Variants in IFI27L1 observed in about 807,000 individuals in gnomAD.
The protein encoded by IFI27L1 is interferon alpha-inducible protein 27-like protein 1.
In IFI27L1, 3 loss-of-function variants were observed where a neutral mutation model predicts 9.2. That is an observed-to-expected ratio of 0.32 (90% CI 0.15 to 0.84). The LOEUF (loss-of-function observed/expected upper bound fraction) is 0.84. Among genes scored for constraint, IFI27L1 ranks in the 40% least tolerant of loss-of-function variants. The pLI is 0.56. For synonymous variants in IFI27L1, 53 were observed against 50.0 expected, an observed-to-expected ratio of 1.06 and a Z score of -0.26; for missense variants, 133 against 134.2, an observed-to-expected ratio of 0.99 and a Z score of 0.05.
rs532597050 is a variant in IFI27L1 at position 94,099,210 on chromosome 14, G to C, written c.29-1529G>C. 2.0e-5 allele frequency among the ~76,000 whole-genome samples: 3 copies of C among 152,336 alleles called. No homozygotes were observed. In the East Asian group the frequency reaches 5.8e-4, roughly 29 times the overall value. On this transcript the variant is annotated intron_variant, in intron 2 of 4. Coordinates refer to ENST00000555523, the MANE Select transcript of IFI27L1 (RefSeq NM_206949.3). Reference sequence around the variant, plus strand: ...CGCACAGGGCGGCAGGCGCACAAGTGGGGAGGCACACAGGTGGCAGGTGCA... The same window carrying C: ...CGCACAGGGCGGCAGGCGCACAAGTCGGGAGGCACACAGGTGGCAGGTGCA...
At chr14:94,090,698 C>A (rs1485236831) in intron 1 of IFI27L1, among the ~76,000 whole-genome samples, 1 of 152,154 alleles carries the variant, frequency 6.6e-6, no homozygotes, top group African/African-American at 2.4e-5. Flanking sequence ...CTAGTTTTCC[C>A]AAGGGGCTTT....
intron 1 of IFI27L1, chr14:94,088,396 T>C: frequency 1.4e-6 from 1 of 700,558 alleles, no homozygotes. Flanking sequence ...TGGCACTGGC[T>C]GAAGCATTCT....
rs184478214 is a variant in IFI27L1 at position 94,083,986 on chromosome 14, G to C, written c.-52+2537G>C. On this transcript the variant is annotated intron_variant, in intron 1 of 4. Transcript: ENST00000555523. ...AATTTTAATTTTTAAAAATGGGGGA[G>C]GGGGAGATGTCAACCAAAAGCAAAA... 2.0e-3 allele frequency among the ~76,000 whole-genome samples: 302 copies of C among 152,184 alleles called. 2 individuals are homozygous for C. The highest frequency in any genetic ancestry group is 0.017 in the Middle Eastern group (5 of 294).
chr14:94,085,302 T>C (rs1886246841), intron 1 of IFI27L1, among the ~76,000 whole-genome samples: 1 of 152,220 alleles, frequency 6.6e-6, no homozygotes, highest in South Asian at 2.1e-4. Flanking sequence ...TCTGTAACAT[T>C]AGCTGTGTGA....
chr14:94,087,896 T>C lies in IFI27L1; in HGVS notation c.-52+6447T>C, dbSNP rs186969763. Among the ~76,000 whole-genome samples, 542 of 152,322 alleles carry C rather than the reference T, an allele frequency of 3.6e-3. 4 individuals carry two copies. Among genetic ancestry groups the C allele is most frequent in the African/African-American group, 0.012 (516 of 41,564 alleles). ...TAAAATTTCTAAACCAAATAAGCTTTCACTACATGCTGTCAAATAAAGTAT... is the reference window on the plus strand; with the variant it reads ...TAAAATTTCTAAACCAAATAAGCTTCCACTACATGCTGTCAAATAAAGTAT... On this transcript the variant is annotated intron_variant, in intron 1 of 4. Coordinates refer to ENST00000555523, the MANE Select transcript of IFI27L1 (RefSeq NM_206949.3).
At chr14:94,086,946 A>G (rs1886301251) in intron 1 of IFI27L1, among the ~76,000 whole-genome samples, 1 of 152,224 alleles carries the variant, frequency 6.6e-6, no homozygotes, top group Non-Finnish European at 1.5e-5. Flanking sequence ...TAACAAACAG[A>G]GAGAAGCCCT....
chr14:94,094,054 G>A (rs1886580188), intron 1 of IFI27L1, among the ~76,000 whole-genome samples: 1 of 152,066 alleles, frequency 6.6e-6, no homozygotes, highest in Admixed American at 6.6e-5. Flanking sequence ...AGGAAAGGAG[G>A]GAAAATGAGC....
At chr14:94,101,145 T>C in intron 3 of IFI27L1, 1 of 417,484 alleles carries the variant, frequency 2.4e-6, no homozygotes, top group Non-Finnish European at 4.3e-6. Context: ...TCAAAAGTAT[T>C]TGACAAATGC....
At chr14:94,082,213 C>A (rs1255808973) in intron 1 of IFI27L1, among the ~76,000 whole-genome samples, 2 of 152,206 alleles carry the variant, frequency 1.3e-5, no homozygotes, top group Admixed American at 6.5e-5. Flanking sequence ...ATCCCCTAAA[C>A]CCAAAACCGA....
chr14:94,102,385 C>T, intron 4 of IFI27L1, 92 bp from the exon 5 acceptor site: 1 of 745,796 alleles, frequency 1.3e-6, no homozygotes. Context: ...GGCCTCAGGT[C>T]TCTGGAGGGA....
chr14:94,097,783 C>T (rs749998739), intron 2 of IFI27L1: 4 of 675,990 alleles, frequency 5.9e-6, no homozygotes, highest in Non-Finnish European at 1.1e-5. Flanking sequence ...ACGGGGCTGC[C>T]CTTTACAGAG....
chr14:94,100,614 G>C, intron 2 of IFI27L1, 125 bp from the exon 3 acceptor site: 2 of 1,576,624 alleles, frequency 1.3e-6, no homozygotes, highest in Non-Finnish European at 1.7e-6. Context: ...CCTAGGATGA[G>C]TAGGGGGCTT....
At chr14:94,096,813 AG>A in intron 1 of IFI27L1, 73 bp from the exon 2 acceptor site, 1 of 761,606 alleles carries the variant, frequency 1.3e-6, no homozygotes. Context: ...TAGTCCCAGG[AG>A]GGATGCAGAG....
chr14:94,100,839 G>A, intron 3 of IFI27L1, 68 bp downstream of exon 3: 3 of 1,572,222 alleles, frequency 1.9e-6, no homozygotes, highest in Non-Finnish European at 2.6e-6. Flanking sequence ...GCCTCTGGGA[G>A]AAACTGGCTT....
rs148509673 is a variant in IFI27L1, at chr14:94,095,849, C to T, written c.-51-1038C>T. 3.2e-3 allele frequency among the ~76,000 whole-genome samples: 487 copies of T among 152,310 alleles called. 4 individuals are homozygous for T. Among genetic ancestry groups the T allele is most frequent in the African/African-American group, 0.011 (459 of 41,566 alleles). On this transcript the variant is annotated intron_variant, in intron 1 of 4. Transcript: ENST00000555523. ...ATGAGATTTGGAGGGGACAAACATC[C>T]AAACCATAGCAGTCCTTGATTTTAA...
At chr14:94,093,760 T>C (rs1886570105) in intron 1 of IFI27L1, among the ~76,000 whole-genome samples, 2 of 150,948 alleles carry the variant, frequency 1.3e-5, no homozygotes, top group Admixed American at 1.3e-4. Flanking sequence ...TATTGTTTTT[T>C]GCATTTGCTT....
chr14:94,099,185 C>T (rs1237510603), intron 2 of IFI27L1, among the ~76,000 whole-genome samples: 16 of 152,160 alleles, frequency 1.1e-4, no homozygotes, highest in Admixed American at 8.5e-4. Flanking sequence ...GTGGGCCCAG[C>T]GCACAGGGCG....
chr14:94,092,710 T>C (rs1177486277), intron 1 of IFI27L1, among the ~76,000 whole-genome samples: 1 of 152,118 alleles, frequency 6.6e-6, no homozygotes, highest in Non-Finnish European at 1.5e-5. Flanking sequence ...ATACCTGATA[T>C]GGTTTAGCTG....
rs1019233179 is a variant in IFI27L1, at chr14:94,100,435, A to C, written c.29-304A>C. Reference sequence around the variant, plus strand: ...ATGTTCCTGCCAGCCCTGAGAGCTCAACACAACTCAGGAGGCCCAGGCATG... The same window carrying C: ...ATGTTCCTGCCAGCCCTGAGAGCTCCACACAACTCAGGAGGCCCAGGCATG... On this transcript the variant is annotated intron_variant, in intron 2 of 4. Coordinates refer to ENST00000555523, the MANE Select transcript of IFI27L1 (RefSeq NM_206949.3). 1.1e-5 allele frequency: 11 copies of C among 985,210 alleles called. No individual in the cohort carries two copies. In the African/African-American group the frequency reaches 1.9e-4, roughly 17 times the overall value. The allele number at this position is 985,210 out of a possible 1,614,324, so 61.0% of individuals were successfully genotyped here. A position where few individuals can be genotyped will look rare whatever the true frequency, so the allele number is the denominator to read the frequency against.
Sources: allele counts gnomAD v4.1 joint callset (sites outside exome capture counted in the v4.1 genomes callset), GRCh38; gene constraint gnomAD v4.1.1; transcripts MANE v1.5; gene names NCBI Gene and HGNC (gene_info 2026-07-23, HGNC 2026-07-21).